AGBL4: variants seen among roughly 807,000 people sequenced by gnomAD.
AGBL4 encodes the protein AGBL carboxypeptidase 4, also known as cytosolic carboxypeptidase 6.
Under a neutral mutation model 66.4 loss-of-function variants are expected in AGBL4, and 58 were observed. The observed-to-expected ratio is 0.87, with a 90% CI of 0.71 to 1.09. AGBL4 has a LOEUF of 1.09. Among genes scored for constraint, AGBL4 ranks in the 50% least tolerant of loss-of-function variants. The pLI, the probability that AGBL4 is intolerant of heterozygous loss-of-function variation, is 0.00. For missense variants in AGBL4, 579 were observed against 631.0 expected, an observed-to-expected ratio of 0.92 and a Z score of 0.88; for synonymous variants, 234 against 222.9, an observed-to-expected ratio of 1.05 and a Z score of -0.44.
At chr1:48,643,270 C>T (rs973822266) in intron 8 of AGBL4, among the ~76,000 whole-genome samples, 2 of 152,162 alleles carry the variant, frequency 1.3e-5, no homozygotes, top group Admixed American at 6.6e-5. Context: ...GGTGCCCCCT[C>T]TGTGGGCTGA....
At chr1:49,890,763 A>G (rs1648564970) in intron 1 of AGBL4, among the ~76,000 whole-genome samples, 1 of 152,174 alleles carries the variant, frequency 6.6e-6, no homozygotes, top group Non-Finnish European at 1.5e-5. Context: ...CCAGCCAAAA[A>G]CAGAAAAACA....
At chr1:48,883,116 C>A (rs901019153) in intron 5 of AGBL4, among the ~76,000 whole-genome samples, 1 of 152,142 alleles carries the variant, frequency 6.6e-6, no homozygotes, top group African/African-American at 2.4e-5. Flanking sequence ...ATTTCATTTT[C>A]TTTGGGTATA....
intron 3 of AGBL4, among the ~76,000 whole-genome samples, chr1:49,519,235 G>A (rs1455712240): frequency 6.6e-6 from 1 of 152,028 alleles, no homozygotes; most frequent in African/African-American, 2.4e-5. Context: ...TCTCTTAAGA[G>A]AGAATGATAT....
At chr1:49,296,956 T>A (rs545606805) in intron 3 of AGBL4, among the ~76,000 whole-genome samples, 1 of 152,238 alleles carries the variant, frequency 6.6e-6, no homozygotes, top group African/African-American at 2.4e-5. Flanking sequence ...GAACCTAAAG[T>A]CAAAAAAGAC....
chr1:49,183,397 C>T (rs1029467845), intron 4 of AGBL4, among the ~76,000 whole-genome samples: 2 of 152,090 alleles, frequency 1.3e-5, no homozygotes, highest in African/African-American at 4.8e-5. Context: ...GGGGAATTAC[C>T]GTAGCAATTG....
intron 3 of AGBL4, among the ~76,000 whole-genome samples, chr1:49,667,626 A>G (rs1646396027): frequency 6.6e-6 from 1 of 152,228 alleles, no homozygotes; most frequent in Non-Finnish European, 1.5e-5. Flanking sequence ...ACTTTTAAAT[A>G]TCTGCACAAG....
At chr1:49,207,440 CTT>C (rs1281555795) in intron 4 of AGBL4, among the ~76,000 whole-genome samples, 1 of 106,900 alleles carries the variant, frequency 9.4e-6, no homozygotes, top group African/African-American at 3.5e-5. Context: ...TCCTTTCTTT[CTT>C]TTTCTTTCTT....
intron 1 of AGBL4, among the ~76,000 whole-genome samples, chr1:49,933,964 C>T (rs1323791545): frequency 1.3e-5 from 2 of 151,998 alleles, no homozygotes; most frequent in Non-Finnish European, 2.9e-5. Flanking sequence ...CATACAATGG[C>T]TGAATATATA....
chr1:49,163,699 T>C (rs933089223), intron 4 of AGBL4, among the ~76,000 whole-genome samples: 3 of 152,142 alleles, frequency 2.0e-5, no homozygotes, highest in African/African-American at 7.2e-5. Context: ...TATGACTTAA[T>C]TCAAAATTTT....
chr1:49,549,053 T>G (rs563082425), intron 3 of AGBL4, among the ~76,000 whole-genome samples: 2 of 152,050 alleles, frequency 1.3e-5, no homozygotes, highest in Non-Finnish European at 2.9e-5. Context: ...TCCTAGTTTA[T>G]GCGCATAAAC....
intron 3 of AGBL4, among the ~76,000 whole-genome samples, chr1:49,412,450 C>T (rs1056572920): frequency 6.6e-6 from 1 of 152,164 alleles, no homozygotes; most frequent in African/African-American, 2.4e-5. Flanking sequence ...AATCCCATCA[C>T]ATTGAGGGTT....
intron 1 of AGBL4, among the ~76,000 whole-genome samples, chr1:49,955,103 T>C (rs994460086): frequency 6.6e-6 from 1 of 151,852 alleles, no homozygotes; most frequent in Non-Finnish European, 1.5e-5. Context: ...CCAACTGCAG[T>C]TGTGACTCGC....
chr1:49,523,253 T>G (rs1650405755), intron 3 of AGBL4, among the ~76,000 whole-genome samples: 2 of 151,990 alleles, frequency 1.3e-5, no homozygotes, highest in South Asian at 4.1e-4. Flanking sequence ...AACATTTTAG[T>G]GAGGCATAAA....
chr1:48,867,779 A>G lies in AGBL4; in HGVS notation c.595-549T>C, dbSNP rs192934777. The stretch of plus-strand genomic sequence containing the variant: ...CAATTTCAATTAGTGATGACCAACC[A>G]TTCCTTTTCTAACTGAATCCTTATC... On this transcript the variant is annotated intron_variant, in intron 5 of 13. Transcript: ENST00000371839. Among the ~76,000 whole-genome samples the G allele has an allele frequency of 1.4e-3, 216 of 152,344 alleles. 5 individuals carry two copies. Among genetic ancestry groups the G allele is most frequent in the Non-Finnish European group, 4.1e-4 (28 of 68,030 alleles).
intron 2 of AGBL4, among the ~76,000 whole-genome samples, chr1:49,804,944 C>A (rs1644943723): frequency 6.6e-6 from 1 of 152,168 alleles, no homozygotes; most frequent in Non-Finnish European, 1.5e-5. Flanking sequence ...TGAATGGTGG[C>A]TTATCTGGGC....
intron 3 of AGBL4, among the ~76,000 whole-genome samples, chr1:49,489,815 T>C (rs1167300): frequency 0.68 from 103,569 of 151,560 alleles, 36,239 homozygotes; most frequent in African/African-American, 0.78. Flanking sequence ...ATGCCTTTGT[T>C]AAAATGTGTT....
chr1:49,572,655 T>C (rs1644355342), intron 3 of AGBL4, among the ~76,000 whole-genome samples: 1 of 152,222 alleles, frequency 6.6e-6, no homozygotes, highest in African/African-American at 2.4e-5. Flanking sequence ...TTTATAGTAT[T>C]CTCTGATAGT....
intron 3 of AGBL4, among the ~76,000 whole-genome samples, chr1:49,597,692 A>G (rs2124132679): frequency 6.6e-6 from 1 of 152,334 alleles, no homozygotes; most frequent in East Asian, 1.9e-4. Flanking sequence ...ACCTGTCCTC[A>G]AGAAACTCAA....
chr1:49,724,634 G>C (rs1222588597), intron 2 of AGBL4, among the ~76,000 whole-genome samples: 5 of 152,130 alleles, frequency 3.3e-5, no homozygotes, highest in African/African-American at 1.2e-4. Flanking sequence ...TTCATATGTT[G>C]AAACTCTAAC....
Sources: allele counts gnomAD v4.1 joint callset (sites outside exome capture counted in the v4.1 genomes callset), GRCh38; gene constraint gnomAD v4.1.1; transcripts MANE v1.5; gene names NCBI Gene and HGNC (gene_info 2026-07-23, HGNC 2026-07-21).